SEMA3A: variants seen among roughly 807,000 people sequenced by gnomAD.
The protein encoded by SEMA3A is semaphorin-3A.
A neutral mutation model predicts 97.9 loss-of-function variants in SEMA3A; 29 were observed. The ratio of observed to expected loss-of-function variants is 0.30; its 90% CI spans 0.22 to 0.40. SEMA3A has a LOEUF of 0.40. Ranked by LOEUF, SEMA3A falls within the 10% of genes least tolerant of loss-of-function variation. The pLI is 1.00. For synonymous variants in SEMA3A, 321 were observed against 323.7 expected, an observed-to-expected ratio of 0.99 and a Z score of 0.09; for missense variants, 763 against 951.3, an observed-to-expected ratio of 0.80 and a Z score of 2.60.
intron 1 of SEMA3A, among the ~76,000 whole-genome samples, chr7:84,491,589 C>A (rs1806736761): frequency 1.3e-5 from 2 of 152,066 alleles, no homozygotes; most frequent in Admixed American, 1.3e-4. Context: ...CCACAGTTAG[C>A]CTGTTAACAC....
At chr7:84,247,113 C>G (rs1380172764) in intron 3 of SEMA3A, among the ~76,000 whole-genome samples, 1 of 151,822 alleles carries the variant, frequency 6.6e-6, no homozygotes, top group African/African-American at 2.4e-5. Flanking sequence ...TAAAACAAAC[C>G]AAGAAGAATT....
chr7:84,180,755 T>G (rs1016414890), intron 1 of SEMA3A, among the ~76,000 whole-genome samples: 3 of 152,078 alleles, frequency 2.0e-5, no homozygotes, highest in Non-Finnish European at 2.9e-5. Flanking sequence ...AAATCCTAAG[T>G]AATCCAAGCT....
At chr7:84,127,016 C>CT (rs200695073) in intron 3 of SEMA3A, among the ~76,000 whole-genome samples, 75 of 145,952 alleles carry the variant, frequency 5.1e-4, no homozygotes, top group South Asian at 8.7e-4. Flanking sequence ...GAAGAACACA[C>CT]TTTTTTTTTT....
intron 1 of SEMA3A, among the ~76,000 whole-genome samples, chr7:84,175,264 G>C (rs1223849337): frequency 2.6e-5 from 4 of 152,088 alleles, no homozygotes; most frequent in Admixed American, 2.6e-4. Context: ...TAAATTCATA[G>C]AATCAATTCT....
At chr7:84,075,638 G>A (rs1247960592) in intron 4 of SEMA3A, among the ~76,000 whole-genome samples, 1 of 151,836 alleles carries the variant, frequency 6.6e-6, no homozygotes. Flanking sequence ...TGTAGTTTCA[G>A]TAGAGAAGGT....
chr7:84,452,673 A>G (rs1805588769), intron 1 of SEMA3A, among the ~76,000 whole-genome samples: 1 of 152,230 alleles, frequency 6.6e-6, no homozygotes. Flanking sequence ...TTAGACACTC[A>G]CAGGACAACT....
intron 5 of SEMA3A, among the ~76,000 whole-genome samples, chr7:84,047,161 G>C (rs1198035205): frequency 6.6e-6 from 1 of 151,844 alleles, no homozygotes; most frequent in Admixed American, 6.6e-5. Flanking sequence ...TCACTCCAAT[G>C]CAAGATTCCA....
At chr7:84,361,230 A>T (rs1802711351) in intron 2 of SEMA3A, among the ~76,000 whole-genome samples, 1 of 152,070 alleles carries the variant, frequency 6.6e-6, no homozygotes, top group South Asian at 2.1e-4. Flanking sequence ...AGAGAGACAA[A>T]CCAGGAACAT....
At chr7:84,003,713 C>A (rs2116392541) in intron 11 of SEMA3A, among the ~76,000 whole-genome samples, 1 of 152,230 alleles carries the variant, frequency 6.6e-6, no homozygotes, top group East Asian at 1.9e-4. Context: ...GCAAGTGTGA[C>A]ATGACTGAAC....
intron 1 of SEMA3A, among the ~76,000 whole-genome samples, chr7:84,141,004 A>G: frequency 6.6e-6 from 1 of 152,158 alleles, no homozygotes; most frequent in East Asian, 1.9e-4. Context: ...TTATTTCACC[A>G]AGGACTAGTT....
At position 84,342,041 on chromosome 7, in the gene SEMA3A, A is replaced by AT. The variant is rs879357975; in HGVS notation, c.-169+29782dup. Among the ~76,000 whole-genome samples the AT allele has an allele frequency of 5.5e-3, 803 of 145,504 alleles. 6 individuals are homozygous for AT. Among genetic ancestry groups the AT allele is most frequent in the African/African-American group, 0.016 (658 of 39,914 alleles). On this transcript the variant is annotated intron_variant, in intron 2 of 3. Transcript: ENST00000424555. ...CAGATTCGTTTGTTCCTTGTCACTA[A>AT]TTTTTTTTTTTTTGACGGAGTTTCA...
rs80060925 is a variant in SEMA3A at position 84,263,606 on chromosome 7, C to G, written c.-83+43601G>C. Among the ~76,000 whole-genome samples, 36 of 152,302 alleles carry G rather than the reference C, an allele frequency of 2.4e-4. No homozygotes were observed. In the East Asian group the frequency reaches 6.9e-3, roughly 29 times the overall value. ...AACATGTCTGGCACATAGTCAATGC[C>G]ATATAAGCATTTGCTATTATTATTC... On this transcript the variant is annotated intron_variant, in intron 3 of 3. Coordinates refer to the SEMA3A transcript ENST00000424555.
intron 5 of SEMA3A, among the ~76,000 whole-genome samples, chr7:84,052,285 G>A (rs577302884): frequency 5.8e-4 from 88 of 152,288 alleles, no homozygotes; most frequent in Middle Eastern, 3.4e-3. Context: ...CAGAAGGAAC[G>A]CTACCAGTTC....
intron 4 of SEMA3A, among the ~76,000 whole-genome samples, chr7:84,068,370 A>G (rs1207037214): frequency 6.7e-6 from 1 of 149,420 alleles, no homozygotes; most frequent in Non-Finnish European, 1.5e-5. Context: ...ACATGTATAC[A>G]TATGTAACTA....
At chr7:84,469,699 T>A (rs1168339834) in intron 1 of SEMA3A, among the ~76,000 whole-genome samples, 2 of 152,118 alleles carry the variant, frequency 1.3e-5, no homozygotes, top group African/African-American at 4.8e-5. Context: ...ATTCTTCTAA[T>A]GAATATTAAG....
chr7:84,052,665 C>T (rs1792735331), intron 5 of SEMA3A, among the ~76,000 whole-genome samples: 1 of 152,004 alleles, frequency 6.6e-6, no homozygotes, highest in South Asian at 2.1e-4. Context: ...AAAACCAGCT[C>T]CTGGATTCAT....
At chr7:83,988,891 G>A (rs1172654720) in intron 12 of SEMA3A, among the ~76,000 whole-genome samples, 4 of 139,192 alleles carry the variant, frequency 2.9e-5, no homozygotes, top group African/African-American at 5.5e-5. Flanking sequence ...ACAGAGTCTC[G>A]CTGTTGCCCA....
chr7:84,094,716 A>C (rs949855963), intron 4 of SEMA3A, among the ~76,000 whole-genome samples: 2 of 152,122 alleles, frequency 1.3e-5, no homozygotes, highest in African/African-American at 4.8e-5. Flanking sequence ...ACTAAAACAC[A>C]CTTTGCAACA....
chr7:84,100,159 G>A (rs1412749964), intron 4 of SEMA3A, among the ~76,000 whole-genome samples: 1 of 151,984 alleles, frequency 6.6e-6, no homozygotes, highest in Non-Finnish European at 1.5e-5. Flanking sequence ...ATTCCAGTTA[G>A]AATAAGATGG....
Sources: allele counts gnomAD v4.1 joint callset (sites outside exome capture counted in the v4.1 genomes callset), GRCh38; gene constraint gnomAD v4.1.1; transcripts MANE v1.5; gene names NCBI Gene and HGNC (gene_info 2026-07-23, HGNC 2026-07-21).